Variants in EPYC observed in about 807,000 individuals in gnomAD.
The protein encoded by EPYC is dermatan sulfate proteoglycan 3.
A neutral mutation model predicts 30.1 loss-of-function variants in EPYC; 28 were observed. That is an observed-to-expected ratio of 0.93 (90% confidence interval 0.69 to 1.28). The LOEUF (loss-of-function observed/expected upper bound fraction) is 1.28, where lower values mean the gene tolerates loss of function less well. EPYC is among the 50% of genes most tolerant of loss of function. The pLI is 0.00. For missense variants in EPYC, 382 were observed against 383.5 expected (o/e 1.00, Z 0.03); for synonymous variants, 144 against 141.4 (o/e 1.02, Z -0.13).
chr12:90,979,686 T>C (rs760876183), intron 2 of EPYC, among the ~76,000 whole-genome samples: 13 of 152,176 alleles, frequency 8.5e-5, no homozygotes, highest in Non-Finnish European at 1.8e-4. Context: ...CTGTATTACA[T>C]TGGTTCCATT....
At chr12:91,000,570 G>A (rs974183489) in intron 2 of EPYC, among the ~76,000 whole-genome samples, 17 of 151,916 alleles carry the variant, frequency 1.1e-4, no homozygotes, top group African/African-American at 3.9e-4. Flanking sequence ...GCCTAGAGAA[G>A]CCATGATCCC....
At chr12:91,001,883 T>A (rs952654739) in intron 2 of EPYC, among the ~76,000 whole-genome samples, 1 of 151,984 alleles carries the variant, frequency 6.6e-6, no homozygotes, top group East Asian at 1.9e-4. Context: ...GGAAATAACA[T>A]GAGCTTTAAA....
At chr12:90,977,705 T>G (rs1338371259) in intron 3 of EPYC, among the ~76,000 whole-genome samples, 1 of 152,114 alleles carries the variant, frequency 6.6e-6, no homozygotes, top group African/African-American at 2.4e-5. Flanking sequence ...CAAAATATTA[T>G]TACTATTACC....
At chr12:90,978,855 A>G (rs1430449778) in intron 2 of EPYC, among the ~76,000 whole-genome samples, 2 of 152,148 alleles carry the variant, frequency 1.3e-5, no homozygotes, top group Non-Finnish European at 2.9e-5. Context: ...TAGTGACATA[A>G]AAACTATGAT....
intron 2 of EPYC, among the ~76,000 whole-genome samples, chr12:90,980,577 C>T (rs1291308101): frequency 6.6e-6 from 1 of 152,134 alleles, no homozygotes; most frequent in African/African-American, 2.4e-5. Context: ...AGGCAATGCA[C>T]ACATGCACAA....
chr12:90,972,123 T>C (rs1359177535), intron 4 of EPYC, 121 bp from the exon 5 acceptor site: 1 of 574,380 alleles, frequency 1.7e-6, no homozygotes. Context: ...ATGAGATGAT[T>C]ATCTTTCTTT....
At chr12:90,991,902 T>C (rs1430785627) in intron 2 of EPYC, among the ~76,000 whole-genome samples, 1 of 152,278 alleles carries the variant, frequency 6.6e-6, no homozygotes, top group African/African-American at 2.4e-5. Context: ...GTCTGGAACA[T>C]TGAACTATTG....
At chr12:91,001,186 C>G (rs1317980851) in intron 2 of EPYC, among the ~76,000 whole-genome samples, 1 of 151,876 alleles carries the variant, frequency 6.6e-6, no homozygotes, top group Non-Finnish European at 1.5e-5. Context: ...TAAAATCTAT[C>G]ACATTGTGAA....
At chr12:90,986,589 A>G (rs1359218245) in intron 2 of EPYC, among the ~76,000 whole-genome samples, 2 of 152,096 alleles carry the variant, frequency 1.3e-5, no homozygotes, top group South Asian at 2.1e-4. Flanking sequence ...TTTAATAACC[A>G]TATAAACAAG....
chr12:90,977,989 C>T (rs1877227139), intron 3 of EPYC, 99 bp downstream of exon 3: 1 of 1,127,072 alleles, frequency 8.9e-7, no homozygotes, highest in Non-Finnish European at 1.2e-6. Context: ...AAACTTTTTT[C>T]TTGGGTCATG....
At chr12:91,004,559 C>A (rs1036467246) in intron 1 of EPYC, among the ~76,000 whole-genome samples, 2 of 151,956 alleles carry the variant, frequency 1.3e-5, no homozygotes, top group Non-Finnish European at 2.9e-5. Flanking sequence ...CATTACAATA[C>A]TTTTAATCTC....
intron 6 of EPYC, among the ~76,000 whole-genome samples, chr12:90,966,084 G>T (rs1876888013): frequency 3.3e-5 from 5 of 151,906 alleles, no homozygotes; most frequent in Admixed American, 3.3e-4. Context: ...ATAGAAGAAT[G>T]ACCTTATTTC....
intron 6 of EPYC, among the ~76,000 whole-genome samples, chr12:90,965,938 T>G (rs775053531): frequency 7.9e-5 from 12 of 151,998 alleles, no homozygotes; most frequent in Non-Finnish European, 1.5e-5. Context: ...ATTGCTAGTG[T>G]ATAGATATCC....
chr12:91,000,376 TAAG>T (rs1310366035), intron 2 of EPYC, among the ~76,000 whole-genome samples: 5 of 136,178 alleles, frequency 3.7e-5, no homozygotes. Context: ...ACACAGATAC[TAAG>T]ATAATATTGT....
chr12:90,996,485 A>G (rs780130060), intron 2 of EPYC, among the ~76,000 whole-genome samples: 4 of 151,972 alleles, frequency 2.6e-5, no homozygotes, highest in Non-Finnish European at 4.4e-5. Flanking sequence ...GCACCATATT[A>G]TAATAAAGAC....
At chr12:90,964,862 T>C (rs1203205340) in intron 6 of EPYC, among the ~76,000 whole-genome samples, 1 of 152,140 alleles carries the variant, frequency 6.6e-6, no homozygotes, top group East Asian at 1.9e-4. Flanking sequence ...GGCCCAGGAC[T>C]GGATTTTTAA....
chr12:91,003,069 G>C (rs2141679), intron 1 of EPYC, among the ~76,000 whole-genome samples: 100,700 of 151,914 alleles, frequency 0.66, 36,166 homozygotes, highest in East Asian at 0.8. Flanking sequence ...CAATTTCAGT[G>C]ATCCACAGTG....
intron 2 of EPYC, among the ~76,000 whole-genome samples, chr12:90,981,431 G>A (rs1920774): frequency 0.72 from 109,671 of 151,976 alleles, 41,501 homozygotes; most frequent in Non-Finnish European, 0.83. Flanking sequence ...CAATATTTGT[G>A]TTATTATTAA....
intron 2 of EPYC, among the ~76,000 whole-genome samples, chr12:90,987,820 T>A (rs1174906814): frequency 6.6e-6 from 1 of 152,180 alleles, no homozygotes; most frequent in Non-Finnish European, 1.5e-5. Context: ...TACAATGTAA[T>A]AGCCTTACCT....
Sources: gnomAD v4.1 joint callset for allele counts (sites outside exome capture counted in the v4.1 genomes callset) on GRCh38, gnomAD v4.1.1 for gene constraint, MANE v1.5 for transcripts, NCBI Gene and HGNC (gene_info 2026-07-23, HGNC 2026-07-21) for gene names.